C2orf92: variants seen among roughly 807,000 people sequenced by gnomAD.
C2orf92 encodes uncharacterized protein C2orf92.
At chr2:97,702,606 G>T (rs978167263) in intron 7 of C2orf92, 63 bp from the exon 8 acceptor site, 6 of 398,392 alleles carry the variant, frequency 1.5e-5, no homozygotes, top group African/African-American at 1.2e-4. Context: ...ACTGCCCAGC[G>T]AGTAGACAGC....
chr2:97,698,865 T>A (rs1268252140), intron 5 of C2orf92, among the ~76,000 whole-genome samples, 161 bp from the exon 6 acceptor site: 2 of 152,150 alleles, frequency 1.3e-5, no homozygotes, highest in Non-Finnish European at 2.9e-5. Flanking sequence ...ACAAAAACAA[T>A]AAAACACCAA....
chr2:97,667,499 C>T (rs1026174378), upstream of C2orf92, among the ~76,000 whole-genome samples: 1 of 144,980 alleles, frequency 6.9e-6, no homozygotes, highest in African/African-American at 2.6e-5. Flanking sequence ...GTGGTGCGGT[C>T]TCGGCTCACT....
chr2:97,700,677 G>A (rs1676462871), intron 6 of C2orf92, among the ~76,000 whole-genome samples: 1 of 151,724 alleles, frequency 6.6e-6, no homozygotes, highest in Non-Finnish European at 1.5e-5. Context: ...CAAACAGCCA[G>A]TTCCTTCCCA....
chr2:97,695,547 C>T (rs894484521), intron 5 of C2orf92, among the ~76,000 whole-genome samples: 7 of 152,144 alleles, frequency 4.6e-5, no homozygotes, highest in Non-Finnish European at 8.8e-5. Context: ...AATAATTTAC[C>T]TTCACCCCTG....
At chr2:97,699,338 G>A (rs1414141327) in intron 6 of C2orf92, among the ~76,000 whole-genome samples, 1 of 152,184 alleles carries the variant, frequency 6.6e-6, no homozygotes, top group Non-Finnish European at 1.5e-5. Context: ...GCTCACGCCT[G>A]TAATCCCAGC....
chr2:97,683,031 T>G (rs1675828548), intron 3 of C2orf92, among the ~76,000 whole-genome samples: 3 of 151,690 alleles, frequency 2.0e-5, no homozygotes, highest in Non-Finnish European at 4.4e-5. Flanking sequence ...AAATTATCTC[T>G]GGTTGCAGAT....
chr2:97,664,295 T>G (rs916400334), exon 1 of C2orf92: 2 of 152,794 alleles, frequency 1.3e-5, no homozygotes, highest in African/African-American at 4.8e-5. Context: ...CCGGAGTCTG[T>G]GGAGCTGGAA....
chr2:97,696,316 AGCTGAGGG>A (rs1676304510), intron 5 of C2orf92, among the ~76,000 whole-genome samples: 1 of 152,158 alleles, frequency 6.6e-6, no homozygotes, highest in African/African-American at 2.4e-5. Context: ...CACGTCTGCC[AGCTGAGGG>A]GGCTGATCAG....
rs75723291 is a variant in C2orf92 at position 97,693,841 on chromosome 2, A to G, written c.403+3514A>G. ...GAGCCATGATTTATAACTTTTAATT[A>G]TTGATACATATGATAGGTGTTTCTC... On this transcript the variant is annotated intron_variant, in intron 5 of 7. Coordinates refer to ENST00000627399, the MANE Select transcript of C2orf92 (RefSeq NM_001351368.2). Among the ~76,000 whole-genome samples, 109 of 152,298 alleles carry G rather than the reference A, an allele frequency of 7.2e-4. 1 individual carries two copies. In the East Asian group the frequency reaches 0.018, roughly 25 times the overall value.
intron 5 of C2orf92, among the ~76,000 whole-genome samples, chr2:97,696,419 T>C (rs1676307098): frequency 1.3e-5 from 2 of 151,702 alleles, no homozygotes; most frequent in East Asian, 1.9e-4. Context: ...ACCTCCTCCT[T>C]GGCAGTAGTG....
upstream of C2orf92, chr2:97,664,729 G>C (rs1228622712): frequency 6.6e-6 from 1 of 151,802 alleles, no homozygotes; most frequent in African/African-American, 2.4e-5. Context: ...ACCGCGCAAC[G>C]CTAGCTAATT....
chr2:97,667,686 C>T (rs1348156094), upstream of C2orf92, among the ~76,000 whole-genome samples: 1 of 152,076 alleles, frequency 6.6e-6, no homozygotes, highest in Non-Finnish European at 1.5e-5. Context: ...CCTGCCTCGG[C>T]CTCCCAAAAT....
intron 3 of C2orf92, among the ~76,000 whole-genome samples, chr2:97,681,250 C>T (rs1397112261): frequency 2.0e-5 from 3 of 151,758 alleles, no homozygotes; most frequent in Non-Finnish European, 4.4e-5. Context: ...ATGTATTCTT[C>T]TCAAGAGCAT....
chr2:97,698,123 C>G (rs1676367525), intron 5 of C2orf92: 2 of 152,234 alleles, frequency 1.3e-5, no homozygotes. Flanking sequence ...TTCATTACTT[C>G]TCATCCTTTC....
intron 2 of C2orf92, 139 bp downstream of exon 2, chr2:97,674,696 G>A (rs1359968880): frequency 2.5e-6 from 1 of 394,772 alleles, no homozygotes; most frequent in African/African-American, 2.1e-5. Context: ...ACTGAGATGT[G>A]AAGAACTCTC....
At chr2:97,669,606 C>A, upstream of C2orf92, 1 of 389,140 alleles carries the variant, frequency 2.6e-6, no homozygotes, top group Non-Finnish European at 4.5e-6. Context: ...ACCAGCATAG[C>A]CCCCGTCACT....
At chr2:97,669,692 C>T (rs374452728), upstream of C2orf92, 7 of 397,256 alleles carry the variant, frequency 1.8e-5, no homozygotes, top group African/African-American at 6.2e-5. Context: ...CTTCATAGAC[C>T]GTTAGGTTCC....
At chr2:97,686,700 G>A (rs1374636635) in intron 3 of C2orf92, among the ~76,000 whole-genome samples, 2 of 152,012 alleles carry the variant, frequency 1.3e-5, no homozygotes, top group African/African-American at 2.4e-5. Flanking sequence ...TTACAGGCAT[G>A]AGCCACCGTG....
At chr2:97,686,808 A>G (rs1460999736) in intron 3 of C2orf92, among the ~76,000 whole-genome samples, 1 of 150,974 alleles carries the variant, frequency 6.6e-6, no homozygotes, top group African/African-American at 2.4e-5. Context: ...TGAGGTCAGA[A>G]GTTCAAGACC....
Sources: allele counts gnomAD v4.1 joint callset (sites outside exome capture counted in the v4.1 genomes callset), GRCh38; gene constraint gnomAD v4.1.1; transcripts MANE v1.5; gene names NCBI Gene and HGNC (gene_info 2026-07-23, HGNC 2026-07-21).